TAF2: variants seen among roughly 807,000 people sequenced by gnomAD.
TAF2 encodes transcription initiation factor TFIID subunit 2.
A neutral mutation model predicts 138.5 loss-of-function variants in TAF2; 61 were observed. That is an observed-to-expected ratio of 0.44 (90% CI 0.36 to 0.54). TAF2 has a LOEUF of 0.54. TAF2 is among the 20% of genes least tolerant of loss of function. The probability of loss-of-function intolerance (pLI) is 0.00; values close to 1 mark genes in which losing one functional copy is unlikely to be tolerated. For missense variants in TAF2, 1,090 were observed against 1,427.9 expected (o/e 0.76, Z 3.81); for synonymous variants, 475 against 469.9 (o/e 1.01, Z -0.14).
chr8:119,743,905 T>C (rs1449922156), intron 24 of TAF2, among the ~76,000 whole-genome samples: 2 of 152,130 alleles, frequency 1.3e-5, no homozygotes, highest in African/African-American at 4.8e-5. Context: ...CATAATATTA[T>C]ATGAGATAGG....
At chr8:119,765,496 T>C (rs922836964) in intron 18 of TAF2, among the ~76,000 whole-genome samples, 7 of 151,926 alleles carry the variant, frequency 4.6e-5, no homozygotes, top group African/African-American at 1.7e-4. Flanking sequence ...GGCATGAAAA[T>C]GAGTATGTTA....
Position 119,731,675 on chromosome 8 carries a change from CTG to C in TAF2, c.*247_*248del, listed in dbSNP as rs1182494619. On this transcript the variant is annotated 3_prime_UTR_variant, in exon 26 of 26. Transcript: ENST00000378164. ...GGGCTTTTATGAAAGGGAGTTTGCT[CTG>C]TGTGTGTGTTTTGGGGAGGAAACAG... 9.2e-5 allele frequency: 48 copies of C among 519,076 alleles called. No homozygotes were observed. Among genetic ancestry groups the C allele is most frequent in the Non-Finnish European group, 1.1e-4 (31 of 287,924 alleles). The allele number at this position is 519,076 out of a possible 1,614,324, so 32.2% of individuals were successfully genotyped here.
At chr8:119,769,488 T>C (rs759355088) in intron 18 of TAF2, among the ~76,000 whole-genome samples, 4 of 150,344 alleles carry the variant, frequency 2.7e-5, no homozygotes, top group Non-Finnish European at 5.9e-5. Context: ...TTTGAAATGA[T>C]GGATGAAGAA....
intron 22 of TAF2, among the ~76,000 whole-genome samples, chr8:119,752,902 T>C (rs1820448704): frequency 6.6e-6 from 1 of 152,174 alleles, no homozygotes; most frequent in Non-Finnish European, 1.5e-5. Context: ...GTTTTCCAGA[T>C]AACGCTTATC....
At chr8:119,743,061 T>A (rs1273812109) in intron 24 of TAF2, among the ~76,000 whole-genome samples, 1 of 151,044 alleles carries the variant, frequency 6.6e-6, no homozygotes, top group African/African-American at 2.4e-5. Context: ...AGAGTGAGAC[T>A]CCATCTTAAA....
At chr8:119,819,107 G>T (rs949810125) in intron 3 of TAF2, among the ~76,000 whole-genome samples, 2 of 152,042 alleles carry the variant, frequency 1.3e-5, no homozygotes, top group African/African-American at 4.8e-5. Context: ...TCTAATTAAA[G>T]TTCCCAGATA....
intron 3 of TAF2, among the ~76,000 whole-genome samples, chr8:119,815,148 GGCGCAT>G (rs1339179996): frequency 6.6e-6 from 1 of 151,742 alleles, no homozygotes; most frequent in Non-Finnish European, 1.5e-5. Flanking sequence ...CAGGTGTGGT[GGCGCAT>G]GCCTGTAATC....
intron 16 of TAF2, 120 bp downstream of exon 16, chr8:119,783,260 CA>C: frequency 8.0e-7 from 1 of 1,256,256 alleles, no homozygotes; most frequent in Non-Finnish European, 1.1e-6. Flanking sequence ...AGCACTTTGG[CA>C]AAAGCTTTCA....
At chr8:119,812,757 ATG>A (rs1174124560) in intron 3 of TAF2, among the ~76,000 whole-genome samples, 10 of 145,548 alleles carry the variant, frequency 6.9e-5, no homozygotes, top group Non-Finnish European at 1.2e-4. Context: ...GTGTGTATAT[ATG>A]TGTGTATATA....
At chr8:119,781,539 G>C (rs1312161203) in intron 16 of TAF2, among the ~76,000 whole-genome samples, 4 of 152,062 alleles carry the variant, frequency 2.6e-5, no homozygotes. Flanking sequence ...AATTAGCCGG[G>C]CATGATGGCG....
rs906309743 is a variant in TAF2 at position 119,746,877 on chromosome 8, A to G, written c.2936T>C (p.Phe979Ser). ...CGAVDLYFTL[F>S]GLSRPSCLPL... ...TAAACAGGAAGGTCTACTGAGGCCA[A>G]AAAGTGTGAAGTACAAGTCCACAGC... is the stretch of plus-strand genomic sequence containing the variant. The change falls in exon 23 of 26, where the codon TTT becomes TCT. Residue 979 changes from phenylalanine (F) to serine (S), a missense_variant. Transcript: ENST00000378164. The G allele has an allele frequency of 1.2e-6, 2 of 1,614,040 alleles. No individual in the cohort carries two copies. The highest frequency in any genetic ancestry group is 1.7e-6 in the Non-Finnish European group (2 of 1,180,024).
chr8:119,829,445 G>A (rs1586560689), intron 2 of TAF2, among the ~76,000 whole-genome samples: 1 of 152,072 alleles, frequency 6.6e-6, no homozygotes, highest in East Asian at 1.9e-4. Flanking sequence ...TGATAGCTCA[G>A]AGGGTTCCTC....
intron 3 of TAF2, among the ~76,000 whole-genome samples, chr8:119,809,540 G>A (rs1824891034): frequency 6.6e-6 from 1 of 152,166 alleles, no homozygotes; most frequent in African/African-American, 2.4e-5. Context: ...AAGAGGTCTA[G>A]CTTTTGGCCT....
Position 119,797,132 on chromosome 8 carries a change from T to G in TAF2, c.978-29A>C, listed in dbSNP as rs1823883895. 3 of 1,438,578 alleles carry G rather than the reference T, an allele frequency of 2.1e-6. No homozygotes were observed. In the African/African-American group the frequency reaches 4.2e-5, roughly 20 times the overall value. 89.1% of individuals were successfully genotyped at this position (1,438,578 alleles called of 1,614,324 possible). Reference sequence around the variant, plus strand: ...GAATTTAAAAGAGAAGAAAGCTCATTATAACCAAGAAATAAATACTTATTC... The same window carrying G: ...GAATTTAAAAGAGAAGAAAGCTCATGATAACCAAGAAATAAATACTTATTC... On this transcript the variant is annotated intron_variant, in intron 7 of 25. Coordinates refer to ENST00000378164, the MANE Select transcript of TAF2 (RefSeq NM_003184.4).
At position 119,773,588 on chromosome 8, in the gene TAF2, A is replaced by C. The variant is rs1822000821; in HGVS notation, c.2364+4431T>G. Reference sequence around the variant, plus strand: ...TTATGAGGTAAGTAAAAATATGAGGAAGATGGATCCATTTTCAAGAAATAT... The same window carrying C: ...TTATGAGGTAAGTAAAAATATGAGGCAGATGGATCCATTTTCAAGAAATAT... On this transcript the variant is annotated intron_variant, in intron 18 of 25. Transcript: ENST00000378164. Among the ~76,000 whole-genome samples the C allele has an allele frequency of 1.3e-5, 2 of 151,580 alleles. 1 individual carries two copies. Among genetic ancestry groups the C allele is most frequent in the Non-Finnish European group, 2.9e-5 (2 of 68,038 alleles).
At chr8:119,769,827 G>A (rs1388309971) in intron 18 of TAF2, among the ~76,000 whole-genome samples, 4 of 150,870 alleles carry the variant, frequency 2.7e-5, no homozygotes, top group East Asian at 2.0e-4. Flanking sequence ...GCGCGATCTC[G>A]GCTCACTGCA....
rs1015671445 is a variant in TAF2, at chr8:119,832,739, G to C, written c.-175C>G. 1 of 538,612 alleles carries C rather than the reference G, an allele frequency of 1.9e-6. No homozygotes were observed. The highest frequency in any genetic ancestry group is 3.2e-6 in the Non-Finnish European group (1 of 308,140). 33.4% of individuals were successfully genotyped at this position (538,612 alleles called of 1,614,324 possible). ...CTGCCCGCCTCAACCTCGCTCCTTC[G>C]ACTAGCTCCTAGAAGCCGCCGTCGA... On this transcript the variant is annotated 5_prime_UTR_variant, in exon 1 of 26. Transcript: ENST00000378164.
intron 20 of TAF2, 123 bp downstream of exon 20, chr8:119,760,476 A>T: frequency 9.3e-7 from 1 of 1,070,544 alleles, no homozygotes; most frequent in African/African-American, 1.6e-5. Flanking sequence ...CTAAATCACT[A>T]AGTCAAGAAT....
Position 119,803,864 on chromosome 8 carries a change from A to C in TAF2, c.560+14T>G, listed in dbSNP as rs760241408. ...TTAAAAATTAATTGAAATATTTAAG[A>C]ATCTATAATCTACCTTGTAGAATTT... is the stretch of plus-strand genomic sequence containing the variant. On this transcript the variant is annotated intron_variant, in intron 5 of 25. Coordinates refer to ENST00000378164, the MANE Select transcript of TAF2 (RefSeq NM_003184.4). 2 of 1,600,176 alleles carry C rather than the reference A, an allele frequency of 1.2e-6. No homozygotes were observed. Among genetic ancestry groups the C allele is most frequent in the East Asian group, 4.5e-5 (2 of 44,790 alleles).
Sources: gnomAD v4.1 joint callset for allele counts (sites outside exome capture counted in the v4.1 genomes callset) on GRCh38, gnomAD v4.1.1 for gene constraint, MANE v1.5 for transcripts, NCBI Gene and HGNC (gene_info 2026-07-23, HGNC 2026-07-21) for gene names.